TRPM6: variants seen among roughly 807,000 people sequenced by gnomAD.
TRPM6 encodes the protein transient receptor potential cation channel subfamily M member 6, also known as channel kinase 2.
Under a neutral mutation model 247.6 loss-of-function variants are expected in TRPM6, and 111 were observed. The ratio of observed to expected loss-of-function variants is 0.45; its 90% CI spans 0.38 to 0.52. The LOEUF is 0.52. Among genes scored for constraint, TRPM6 ranks in the 20% least tolerant of loss-of-function variants. TRPM6 has a pLI of 0.00. For missense variants in TRPM6, 2,126 were observed against 2,421.5 expected (o/e 0.88, Z 2.56); for synonymous variants, 892 against 853.8 (o/e 1.04, Z -0.78).
intron 15 of TRPM6, among the ~76,000 whole-genome samples, chr9:74,803,430 G>T (rs1400682054): frequency 2.6e-5 from 4 of 152,116 alleles, no homozygotes; most frequent in African/African-American, 9.7e-5. Context: ...GAGAAGTGAA[G>T]AAAAGAAGGA....
In TRPM6 at chr9:74,820,352, G is replaced by A. The variant is rs1286407920; in HGVS notation, c.1086C>T (p.Ser362=). The A allele has an allele frequency of 6.2e-7, 1 of 1,614,030 alleles. No homozygotes were observed. The highest frequency in any genetic ancestry group is 1.1e-5 in the South Asian group (1 of 91,082). ...QNTFNFSLKQ[S]KHLFQILMEC... is the part of the protein sequence containing the mutation. The stretch of plus-strand genomic sequence containing the variant: ...CCATTAGAATTTGGAAAAGGTGCTT[G>A]GACTGTTTAAGACTAAAGTTGAAAG... The change falls in exon 9 of 39, where the codon TCC becomes TCT. Residue 362 remains serine (S), a synonymous_variant. Coordinates refer to ENST00000360774, the MANE Select transcript of TRPM6 (RefSeq NM_017662.5).
At chr9:74,746,014 G>A (rs758951917) in intron 31 of TRPM6, among the ~76,000 whole-genome samples, 8 of 152,130 alleles carry the variant, frequency 5.3e-5, no homozygotes, top group Admixed American at 1.3e-4. Flanking sequence ...AGGCCGAGGC[G>A]AGCAGATCAC....
chr9:74,761,839 G>T, intron 26 of TRPM6, 31 bp from the exon 27 acceptor site: 3 of 1,554,856 alleles, frequency 1.9e-6, no homozygotes, highest in Non-Finnish European at 2.7e-6. Context: ...TGAGAAAGTT[G>T]ACAACAGTAA....
chr9:74,803,954 A>C, intron 14 of TRPM6, 68 bp from the exon 15 acceptor site: 1 of 981,990 alleles, frequency 1.0e-6, no homozygotes, highest in South Asian at 1.3e-5. Flanking sequence ...AAAATAAAAC[A>C]AAAGGAGGGG....
intron 5 of TRPM6, among the ~76,000 whole-genome samples, chr9:74,836,471 G>A (rs1390732963): frequency 6.6e-6 from 1 of 152,088 alleles, no homozygotes; most frequent in Non-Finnish European, 1.5e-5. Flanking sequence ...CTGGGATCTG[G>A]ATCACAGGCA....
intron 30 of TRPM6, among the ~76,000 whole-genome samples, chr9:74,748,157 C>T (rs993165418): frequency 6.6e-6 from 1 of 152,138 alleles, no homozygotes; most frequent in Non-Finnish European, 1.5e-5. Context: ...ATGTCTTAGC[C>T]ATCATAATGT....
At chr9:74,822,097 A>G (rs1049396030) in intron 7 of TRPM6, among the ~76,000 whole-genome samples, 26 of 152,238 alleles carry the variant, frequency 1.7e-4, no homozygotes, top group African/African-American at 6.3e-4. Flanking sequence ...TTTCAAAAAA[A>G]TAAGTATTGC....
intron 1 of TRPM6, among the ~76,000 whole-genome samples, chr9:74,859,266 C>A (rs968841267): frequency 1.3e-5 from 2 of 152,194 alleles, no homozygotes; most frequent in African/African-American, 4.8e-5. Context: ...TCAGGTTGCA[C>A]AGCCTAGAAC....
At chr9:74,813,510 T>C (rs1828809692) in intron 11 of TRPM6, among the ~76,000 whole-genome samples, 1 of 152,208 alleles carries the variant, frequency 6.6e-6, no homozygotes, top group Non-Finnish European at 1.5e-5. Flanking sequence ...GTCAGGGAAC[T>C]AGAGGATTCT....
At chr9:74,869,054 A>T (rs750423245) in intron 1 of TRPM6, among the ~76,000 whole-genome samples, 6 of 152,246 alleles carry the variant, frequency 3.9e-5, no homozygotes, top group African/African-American at 7.2e-5. Flanking sequence ...AGACATACTT[A>T]ATACTAAAAA....
At chr9:74,866,301 AT>A (rs1830841885) in intron 1 of TRPM6, among the ~76,000 whole-genome samples, 1 of 152,194 alleles carries the variant, frequency 6.6e-6, no homozygotes, top group Non-Finnish European at 1.5e-5. Context: ...GCTCCTTAAA[AT>A]TTGGGGGACA....
intron 7 of TRPM6, among the ~76,000 whole-genome samples, chr9:74,822,550 T>C (rs1483824861): frequency 6.6e-6 from 1 of 152,092 alleles, no homozygotes; most frequent in Non-Finnish European, 1.5e-5. Context: ...CCACCACACC[T>C]AGACTCTATA....
At chr9:74,771,885 C>A (rs200110052) in intron 24 of TRPM6, 50 bp from the exon 25 acceptor site, 2 of 1,573,598 alleles carry the variant, frequency 1.3e-6, no homozygotes, top group African/African-American at 1.3e-5. Flanking sequence ...CACCTCAGGG[C>A]ATGAGTGGCT....
At position 74,869,811 on chromosome 9, in the gene TRPM6, G is replaced by GGGAA. The variant is rs556925353; in HGVS notation, c.34-11067_34-11064dup. 2.5e-4 allele frequency among the ~76,000 whole-genome samples: 38 copies of GGGAA among 151,482 alleles called. 1 individual carries two copies. In the South Asian group the frequency reaches 4.4e-3, roughly 18 times the overall value. ...TAGAGATCTCGGAGAGCGGTGGGGA[G>GGGAA]GGAAGGAAGGAAGGAAATGGTATGG... On this transcript the variant is annotated intron_variant, in intron 1 of 38. Transcript: ENST00000360774.
chr9:74,797,925 TC>T (rs1828158221), intron 17 of TRPM6, among the ~76,000 whole-genome samples: 1 of 152,200 alleles, frequency 6.6e-6, no homozygotes, highest in Non-Finnish European at 1.5e-5. Flanking sequence ...TTCTGTTAGA[TC>T]CATCTCCCAT....
chr9:74,849,237 G>A (rs1830207464), intron 3 of TRPM6, among the ~76,000 whole-genome samples: 1 of 151,532 alleles, frequency 6.6e-6, no homozygotes, highest in African/African-American at 2.4e-5. Context: ...TGTAATCCCA[G>A]CTACTCGGGA....
At chr9:74,870,204 G>T (rs1229297291) in intron 1 of TRPM6, among the ~76,000 whole-genome samples, 2 of 152,042 alleles carry the variant, frequency 1.3e-5, no homozygotes, top group African/African-American at 4.8e-5. Context: ...AAAAAATAAT[G>T]AATTCAATTA....
chr9:74,763,204 T>C, intron 25 of TRPM6, 70 bp from the exon 26 acceptor site: 1 of 1,473,352 alleles, frequency 6.8e-7, no homozygotes, highest in Non-Finnish European at 9.3e-7. Flanking sequence ...CTTCCTACCC[T>C]ACTTCCATCC....
chr9:74,852,147 AT>A (rs565890102), intron 3 of TRPM6, among the ~76,000 whole-genome samples: 76 of 147,452 alleles, frequency 5.2e-4, no homozygotes, highest in South Asian at 1.3e-3. Flanking sequence ...AAAAATTAGA[AT>A]TTTTTTTTTT....
Sources: allele counts gnomAD v4.1 joint callset (sites outside exome capture counted in the v4.1 genomes callset), GRCh38; gene constraint gnomAD v4.1.1; transcripts MANE v1.5; gene names NCBI Gene and HGNC (gene_info 2026-07-23, HGNC 2026-07-21).